SH3RF2: variants seen among roughly 807,000 people sequenced by gnomAD.
SH3RF2 encodes the protein SH3 domain containing ring finger 2.
Under a neutral mutation model 59.0 loss-of-function variants are expected in SH3RF2, and 43 were observed. That is an observed-to-expected ratio of 0.73 (90% CI 0.57 to 0.94). SH3RF2 has a LOEUF of 0.94. SH3RF2 is among the 40% of genes least tolerant of loss of function. SH3RF2 has a pLI of 0.00. For synonymous variants in SH3RF2, 391 were observed against 391.5 expected (o/e 1.00, Z 0.01); for missense variants, 930 against 940.1 (o/e 0.99, Z 0.14).
chr5:145,997,785 A>C lies in SH3RF2; in HGVS notation c.379-2273A>C, dbSNP rs186339214. ...CAGCAAAAAAAGAGTCACTCCCTAAACCTAAAGAAAAAAAATTAAGCTAGG... is the reference window on the plus strand; with the variant it reads ...CAGCAAAAAAAGAGTCACTCCCTAACCCTAAAGAAAAAAAATTAAGCTAGG... On this transcript the variant is annotated intron_variant, in intron 2 of 9. Transcript: ENST00000359120. 1.2e-5 allele frequency: 18 copies of C among 1,561,426 alleles called. No individual in the cohort carries two copies. In the East Asian group the frequency reaches 3.8e-4, roughly 33 times the overall value.
Position 146,004,628 on chromosome 5 carries a change from C to T in SH3RF2, c.744+475C>T, listed in dbSNP as rs533496760. On this transcript the variant is annotated intron_variant, in intron 4 of 9. Transcript: ENST00000359120. ...AATTGTGGTGATGAAAAAAGTGTCT[C>T]TCTATGGATAATACTATATTATCCA... Among the ~76,000 whole-genome samples, 22 of 151,710 alleles carry T rather than the reference C, an allele frequency of 1.5e-4. 3 individuals carry two copies. The highest frequency in any genetic ancestry group is 5.1e-4 in the African/African-American group (21 of 41,342).
At chr5:146,000,885 A>G (rs1025713359) in intron 3 of SH3RF2, among the ~76,000 whole-genome samples, 5 of 152,212 alleles carry the variant, frequency 3.3e-5, no homozygotes, top group African/African-American at 1.2e-4. Flanking sequence ...AAAATTAGAA[A>G]CAATTTGATA....
At chr5:145,985,890 G>C (rs961771418) in intron 2 of SH3RF2, among the ~76,000 whole-genome samples, 1 of 152,036 alleles carries the variant, frequency 6.6e-6, no homozygotes, top group African/African-American at 2.4e-5. Context: ...TGTAGTCCTG[G>C]CTATTTTGGA....
chr5:145,962,823 C>A (rs1411003812), intron 2 of SH3RF2, among the ~76,000 whole-genome samples: 1 of 149,610 alleles, frequency 6.7e-6, no homozygotes, highest in Non-Finnish European at 1.5e-5. Flanking sequence ...TTAATGGCAT[C>A]TATTTCTTAT....
chr5:146,025,967 C>A (rs2150000581), intron 5 of SH3RF2, among the ~76,000 whole-genome samples: 2 of 152,322 alleles, frequency 1.3e-5, no homozygotes, highest in Middle Eastern at 6.8e-3. Flanking sequence ...TATTACCTTC[C>A]CCCTCTTTCC....
intron 2 of SH3RF2, among the ~76,000 whole-genome samples, chr5:145,994,155 T>A (rs1363176271): frequency 6.6e-6 from 1 of 152,182 alleles, no homozygotes; most frequent in Non-Finnish European, 1.5e-5. Context: ...TCACCTTTGC[T>A]CCAGTTCCCA....
In SH3RF2 at chr5:146,060,163, C is replaced by G; in HGVS notation, c.1853C>G (p.Pro618Arg). 1.2e-6 allele frequency: 2 copies of G among 1,614,028 alleles called. No individual in the cohort carries two copies. The highest frequency in any genetic ancestry group is 8.5e-7 in the Non-Finnish European group (1 of 1,179,942). ...AAGAGTGAGCCTCTGCCAAAACCGC[C>G]CGCATCTGCCCCACCATCCATCCTG... ...PIKSEPLPKP[P>R]ASAPPSILVK... The change falls in exon 9 of 10, where the codon CCC becomes CGC. Residue 618 changes from proline to arginine, a missense_variant. Pro to Arg is a moderately radical substitution (Grantham distance 103). Coordinates refer to ENST00000359120, the MANE Select transcript of SH3RF2 (RefSeq NM_152550.4).
At chr5:146,061,074 G>A (rs1375831217) in intron 9 of SH3RF2, among the ~76,000 whole-genome samples, 1 of 152,194 alleles carries the variant, frequency 6.6e-6, no homozygotes, top group Non-Finnish European at 1.5e-5. Context: ...AGAACGGAAA[G>A]AGGATGCGAT....
At chr5:145,950,330 G>T (rs1758147342) in intron 2 of SH3RF2, among the ~76,000 whole-genome samples, 1 of 152,138 alleles carries the variant, frequency 6.6e-6, no homozygotes, top group Non-Finnish European at 1.5e-5. Context: ...GCAACCTCAT[G>T]GAGCCCTGCA....
chr5:146,012,667 A>G (rs2149992384), intron 4 of SH3RF2, among the ~76,000 whole-genome samples: 1 of 152,306 alleles, frequency 6.6e-6, no homozygotes, highest in Non-Finnish European at 1.5e-5. Context: ...AATTTAGGTA[A>G]TCATCCTAAA....
chr5:146,040,631 G>A (rs6895584), intron 5 of SH3RF2, among the ~76,000 whole-genome samples: 52,019 of 151,986 alleles, frequency 0.34, 9,267 homozygotes, highest in Non-Finnish European at 0.39. Context: ...AGACCTGGCC[G>A]TGTACTTCAG....
At chr5:145,984,752 ACTT>A (rs1452666306) in intron 2 of SH3RF2, among the ~76,000 whole-genome samples, 1 of 152,218 alleles carries the variant, frequency 6.6e-6, no homozygotes, top group Non-Finnish European at 1.5e-5. Context: ...CAGGCAGGGC[ACTT>A]CTTCTCCAAG....
At chr5:146,011,379 A>G (rs1403563510) in intron 4 of SH3RF2, among the ~76,000 whole-genome samples, 1 of 152,166 alleles carries the variant, frequency 6.6e-6, no homozygotes, top group Non-Finnish European at 1.5e-5. Context: ...TTTTGGTTCC[A>G]TATGAACTTT....
At chr5:145,998,106 T>C (rs1393705671) in intron 2 of SH3RF2, 4 of 533,380 alleles carry the variant, frequency 7.5e-6, no homozygotes, top group African/African-American at 3.8e-5. Flanking sequence ...AACTGATACA[T>C]AGAGTATTAT....
intron 5 of SH3RF2, among the ~76,000 whole-genome samples, chr5:146,028,533 G>A (rs1018478753): frequency 2.0e-5 from 3 of 152,204 alleles, no homozygotes; most frequent in Admixed American, 1.3e-4. Context: ...TGCGGCGGCC[G>A]CCCTGGGCAT....
chr5:145,986,493 C>A (rs1759711453), intron 2 of SH3RF2, among the ~76,000 whole-genome samples: 2 of 152,186 alleles, frequency 1.3e-5, no homozygotes, highest in African/African-American at 4.8e-5. Context: ...GCCTCCCAGG[C>A]CGAATGAGAT....
chr5:146,049,360 C>A (rs993676068), intron 7 of SH3RF2, 115 bp downstream of exon 7: 22 of 1,249,652 alleles, frequency 1.8e-5, no homozygotes, highest in African/African-American at 4.6e-5. Flanking sequence ...GCCAAGAAAG[C>A]GCTTTTTGCT....
intron 9 of SH3RF2, 84 bp from the exon 10 acceptor site, chr5:146,062,342 T>G: frequency 5.0e-5 from 76 of 1,506,784 alleles, no homozygotes; most frequent in Middle Eastern, 1.8e-4. Flanking sequence ...AACACATAAA[T>G]GAGACATTTC....
intron 9 of SH3RF2, among the ~76,000 whole-genome samples, chr5:146,069,880 A>G (rs901814306): frequency 4.6e-5 from 7 of 151,828 alleles, no homozygotes; most frequent in African/African-American, 1.7e-4. Flanking sequence ...GGCCTGAAAA[A>G]TGCTATTTTT....
Sources: gnomAD v4.1 joint callset for allele counts (sites outside exome capture counted in the v4.1 genomes callset) on GRCh38, gnomAD v4.1.1 for gene constraint, MANE v1.5 for transcripts, NCBI Gene and HGNC (gene_info 2026-07-23, HGNC 2026-07-21) for gene names.